The following B3GALT1 variants were observed in gnomAD, a reference collection of about 807,000 sequenced individuals.
B3GALT1 encodes UDP-Gal:betaGlcNAc beta 1,3-galactosyltransferase, polypeptide 1.
A neutral mutation model predicts 23.2 loss-of-function variants in B3GALT1; 10 were observed. The ratio of observed to expected loss-of-function variants is 0.43; its 90% confidence interval spans 0.27 to 0.73. The LOEUF (loss-of-function observed/expected upper bound fraction) is 0.73, where lower values mean the gene tolerates loss of function less well. Ranked by LOEUF, B3GALT1 falls within the 30% of genes least tolerant of loss-of-function variation. The pLI, the probability that B3GALT1 is intolerant of heterozygous loss-of-function variation, is 0.21. For missense variants in B3GALT1, 299 were observed against 405.4 expected, an observed-to-expected ratio of 0.74 and a Z score of 2.25; for synonymous variants, 156 against 141.5, an observed-to-expected ratio of 1.10 and a Z score of -0.73.
chr2:167,606,151 C>T (rs1454936291), intron 2 of B3GALT1, among the ~76,000 whole-genome samples: 1 of 152,108 alleles, frequency 6.6e-6, no homozygotes, highest in South Asian at 2.1e-4. Flanking sequence ...CCTAGTTCTT[C>T]CAAAGAAATG....
intron 1 of B3GALT1, among the ~76,000 whole-genome samples, chr2:167,477,673 G>A (rs1381662091): frequency 6.6e-6 from 1 of 152,182 alleles, no homozygotes; most frequent in Non-Finnish European, 1.5e-5. Flanking sequence ...TACCAATTCT[G>A]CTGTGATGGC....
At chr2:167,355,712 T>A (rs1697389844) in intron 1 of B3GALT1, among the ~76,000 whole-genome samples, 1 of 152,182 alleles carries the variant, frequency 6.6e-6, no homozygotes, top group African/African-American at 2.4e-5. Flanking sequence ...TTATGACTTT[T>A]AAAAAAATCC....
At chr2:167,405,850 A>G (rs185787774) in intron 1 of B3GALT1, among the ~76,000 whole-genome samples, 18 of 152,304 alleles carry the variant, frequency 1.2e-4, no homozygotes, top group Admixed American at 5.2e-4. Flanking sequence ...GAAGCTCAAA[A>G]AAGTCATAGA....
At chr2:167,654,815 T>C (rs63706162) in intron 3 of B3GALT1, among the ~76,000 whole-genome samples, 4 of 138,954 alleles carry the variant, frequency 2.9e-5, no homozygotes, top group Admixed American at 7.3e-5. Context: ...TTTTTTTTTT[T>C]CCACTTAACT....
At chr2:167,692,513 T>A (rs1038994456) in intron 3 of B3GALT1, among the ~76,000 whole-genome samples, 1 of 152,132 alleles carries the variant, frequency 6.6e-6, no homozygotes, top group Non-Finnish European at 1.5e-5. Context: ...TACTCATTTT[T>A]AAAAAATTTT....
intron 1 of B3GALT1, among the ~76,000 whole-genome samples, chr2:167,412,206 T>G (rs1166584084): frequency 6.6e-6 from 1 of 152,214 alleles, no homozygotes; most frequent in African/African-American, 2.4e-5. Flanking sequence ...ACAATGTCTC[T>G]TTTCATCAAA....
chr2:167,388,083 T>C (rs1697953776), intron 1 of B3GALT1, among the ~76,000 whole-genome samples: 2 of 152,176 alleles, frequency 1.3e-5, no homozygotes, highest in Admixed American at 1.3e-4. Context: ...GCATTAAATA[T>C]CATTTCTCTA....
intron 2 of B3GALT1, among the ~76,000 whole-genome samples, chr2:167,492,382 G>A (rs1277153379): frequency 6.6e-6 from 1 of 151,398 alleles, no homozygotes; most frequent in Non-Finnish European, 1.5e-5. Context: ...TTTACCTAAT[G>A]AAGAATATCT....
chr2:167,836,916 C>A (rs1275887479), intron 4 of B3GALT1, among the ~76,000 whole-genome samples: 5 of 151,936 alleles, frequency 3.3e-5, no homozygotes, highest in African/African-American at 7.2e-5. Flanking sequence ...AATTTCATAT[C>A]CAGCCAAACT....
chr2:167,439,204 G>C (rs1425579268), intron 1 of B3GALT1, among the ~76,000 whole-genome samples: 1 of 152,004 alleles, frequency 6.6e-6, no homozygotes, highest in Non-Finnish European at 1.5e-5. Context: ...TAGTAATATT[G>C]TTGTTCTGCA....
chr2:167,845,716 G>A (rs560920195), intron 4 of B3GALT1, among the ~76,000 whole-genome samples: 9 of 147,272 alleles, frequency 6.1e-5, no homozygotes, highest in African/African-American at 1.5e-4. Context: ...CCACCCCCCC[G>A]CAACAACAAA....
At chr2:167,401,440 G>T (rs1303454074) in intron 1 of B3GALT1, among the ~76,000 whole-genome samples, 1 of 152,084 alleles carries the variant, frequency 6.6e-6, no homozygotes, top group East Asian at 1.9e-4. Flanking sequence ...CAACTGCCTT[G>T]AGATAGGCAG....
chr2:167,694,077 G>C (rs1287758469), intron 3 of B3GALT1, among the ~76,000 whole-genome samples: 1 of 152,002 alleles, frequency 6.6e-6, no homozygotes, highest in Non-Finnish European at 1.5e-5. Flanking sequence ...AGGTTGGCTA[G>C]GTTCTTTTTG....
chr2:167,703,668 G>T (rs537563445), intron 3 of B3GALT1, among the ~76,000 whole-genome samples: 40 of 152,300 alleles, frequency 2.6e-4, no homozygotes, highest in African/African-American at 9.6e-4. Context: ...TTTCCGCTAA[G>T]TGACTTCCCT....
chr2:167,361,947 G>A lies in B3GALT1; in HGVS notation c.-511+68613G>A, dbSNP rs189301261. On this transcript the variant is annotated intron_variant, in intron 1 of 4. Transcript: ENST00000392690. ...AAATTAGCTGGGCATGGTGGCAGGC[G>A]CCCTTGGTCCCAGCTACTCAGGAGG... Among the ~76,000 whole-genome samples the A allele has an allele frequency of 5.1e-4, 77 of 152,048 alleles. 1 individual carries two copies. The East Asian group carries it at 0.014, about 27-fold the overall frequency.
intron 3 of B3GALT1, chr2:167,815,071 C>T (rs183521891): frequency 1.3e-5 from 2 of 152,366 alleles, no homozygotes; most frequent in Admixed American, 6.5e-5. Flanking sequence ...CCCAGAGCTC[C>T]CTGCAGGGTC....
intron 2 of B3GALT1, among the ~76,000 whole-genome samples, chr2:167,590,085 G>A (rs1401629730): frequency 1.3e-5 from 2 of 152,070 alleles, no homozygotes; most frequent in South Asian, 2.1e-4. Flanking sequence ...GGTGACTCAC[G>A]CCTGTAATCC....
intron 2 of B3GALT1, among the ~76,000 whole-genome samples, chr2:167,571,945 A>G (rs540737290): frequency 6.6e-6 from 1 of 152,036 alleles, no homozygotes; most frequent in South Asian, 2.1e-4. Flanking sequence ...TATAAATTAT[A>G]CAACTTTTAC....
intron 1 of B3GALT1, among the ~76,000 whole-genome samples, chr2:167,481,227 C>A (rs78615913): frequency 3.4e-4 from 48 of 139,974 alleles, no homozygotes; most frequent in Admixed American, 7.2e-4. Flanking sequence ...GTAAAAAAAA[C>A]ATAACTAAAA....
Sources: gnomAD v4.1 joint callset for allele counts (sites outside exome capture counted in the v4.1 genomes callset) on GRCh38, gnomAD v4.1.1 for gene constraint, MANE v1.5 for transcripts, NCBI Gene and HGNC (gene_info 2026-07-23, HGNC 2026-07-21) for gene names.